ANKRD12: variants seen among roughly 807,000 people sequenced by gnomAD.
The protein encoded by ANKRD12 is ankyrin repeat domain-containing protein 12.
In ANKRD12, 85 loss-of-function variants were observed where a neutral mutation model predicts 183.4. The ratio of observed to expected loss-of-function variants is 0.46; its 90% CI spans 0.39 to 0.56. The LOEUF is 0.56. Ranked by LOEUF, ANKRD12 falls within the 20% of genes least tolerant of loss-of-function variation. The pLI is 0.00. For synonymous variants in ANKRD12, 914 were observed against 800.2 expected (o/e 1.14, Z -2.40); for missense variants, 2,405 against 2,357.1 (o/e 1.02, Z -0.42).
intron 1 of ANKRD12, among the ~76,000 whole-genome samples, chr18:9,141,270 A>AC (rs2078305717): frequency 6.6e-6 from 1 of 152,120 alleles, no homozygotes; most frequent in Non-Finnish European, 1.5e-5. Flanking sequence ...TATTCTTACC[A>AC]GATACAGAAA....
chr18:9,277,374 C>T, intron 11 of ANKRD12, among the ~76,000 whole-genome samples: 1 of 138,470 alleles, frequency 7.2e-6, no homozygotes. Context: ...GTCGCCCAGG[C>T]TGGAGTGCAG....
chr18:9,159,447 T>G (rs906387952), intron 1 of ANKRD12, among the ~76,000 whole-genome samples: 1 of 152,150 alleles, frequency 6.6e-6, no homozygotes, highest in South Asian at 2.1e-4. Context: ...ATTTTCATTT[T>G]TTGAGATGGA....
intron 9 of ANKRD12, among the ~76,000 whole-genome samples, chr18:9,262,647 G>A (rs1210327044): frequency 6.6e-6 from 1 of 151,214 alleles, no homozygotes; most frequent in Non-Finnish European, 1.5e-5. Context: ...TTTTTTTTGA[G>A]ATGGGGGTCT....
chr18:9,231,720 G>C (rs2037060258), intron 8 of ANKRD12, among the ~76,000 whole-genome samples: 1 of 150,996 alleles, frequency 6.6e-6, no homozygotes, highest in South Asian at 2.1e-4. Context: ...AGCTACTCGG[G>C]AGGCTGAGGC....
rs111387417 is a variant in ANKRD12 at position 9,201,897 on chromosome 18, G to A, written c.236-2579G>A. ...GGCTGGAGTGCAGTGGCACAGTCTC[G>A]GCTCACTGCAACCTCTGCCTCCTGG... On this transcript the variant is annotated intron_variant, in intron 3 of 12. Transcript: ENST00000262126. Among the ~76,000 whole-genome samples, 1,249 of 151,032 alleles carry A rather than the reference G, an allele frequency of 8.3e-3. 19 individuals carry two copies. The highest frequency in any genetic ancestry group is 0.029 in the African/African-American group (1,178 of 41,100).
intron 1 of ANKRD12, among the ~76,000 whole-genome samples, chr18:9,177,191 A>G (rs1292557256): frequency 1.3e-5 from 2 of 152,200 alleles, no homozygotes; most frequent in Non-Finnish European, 2.9e-5. Flanking sequence ...AAGTGCAAGC[A>G]GTGTAATAGC....
At chr18:9,193,990 G>A (rs1284189635) in intron 2 of ANKRD12, among the ~76,000 whole-genome samples, 2 of 152,124 alleles carry the variant, frequency 1.3e-5, no homozygotes, top group African/African-American at 2.4e-5. Context: ...TTTTTGTTTG[G>A]TATGTCATTC....
At chr18:9,277,052 G>A (rs1457928411) in intron 11 of ANKRD12, among the ~76,000 whole-genome samples, 3 of 152,080 alleles carry the variant, frequency 2.0e-5, no homozygotes, top group Admixed American at 6.6e-5. Flanking sequence ...GTTTATAATC[G>A]AGCTACAATG....
intron 4 of ANKRD12, among the ~76,000 whole-genome samples, chr18:9,207,011 C>T (rs1281124065): frequency 6.6e-6 from 1 of 151,870 alleles, no homozygotes; most frequent in Non-Finnish European, 1.5e-5. Flanking sequence ...ATAAAATTTT[C>T]ACAATGTTAA....
intron 8 of ANKRD12, among the ~76,000 whole-genome samples, chr18:9,232,395 G>A (rs747645157): frequency 1.3e-5 from 2 of 152,128 alleles, no homozygotes; most frequent in African/African-American, 2.4e-5. Context: ...GTTGGATGTA[G>A]TATCTTTGGG....
intron 2 of ANKRD12, among the ~76,000 whole-genome samples, chr18:9,189,030 A>G (rs983428918): frequency 1.4e-4 from 22 of 152,344 alleles, no homozygotes; most frequent in African/African-American, 5.3e-4. Flanking sequence ...AGGCTGAGAG[A>G]GGTCAAAAGC....
intron 9 of ANKRD12, chr18:9,259,282 T>A (rs1193710541): frequency 6.1e-6 from 1 of 163,518 alleles, no homozygotes; most frequent in Non-Finnish European, 1.3e-5. Context: ...CTGTTGACTT[T>A]ATATATGTAT....
chr18:9,253,032 G>A (rs2038393197), intron 8 of ANKRD12, among the ~76,000 whole-genome samples: 1 of 151,934 alleles, frequency 6.6e-6, no homozygotes, highest in South Asian at 2.1e-4. Flanking sequence ...GTATATAAAT[G>A]TATATATAAA....
chr18:9,226,472 G>T (rs2036719779), intron 8 of ANKRD12, among the ~76,000 whole-genome samples: 1 of 152,028 alleles, frequency 6.6e-6, no homozygotes, highest in Admixed American at 6.6e-5. Flanking sequence ...GTTCCTTGAT[G>T]CCCCTTCCTA....
At chr18:9,165,266 T>A (rs531488580) in intron 1 of ANKRD12, among the ~76,000 whole-genome samples, 10 of 152,210 alleles carry the variant, frequency 6.6e-5, no homozygotes, top group Non-Finnish European at 1.2e-4. Flanking sequence ...CCACCATCCC[T>A]TTATTTTGAG....
chr18:9,241,562 C>T (rs1041746838), intron 8 of ANKRD12, among the ~76,000 whole-genome samples: 2 of 152,126 alleles, frequency 1.3e-5, no homozygotes, highest in South Asian at 2.1e-4. Context: ...ACCTTTGTCA[C>T]ATATCCCTGT....
chr18:9,150,801 C>T (rs576999956), intron 1 of ANKRD12, among the ~76,000 whole-genome samples: 35 of 152,160 alleles, frequency 2.3e-4, no homozygotes, highest in African/African-American at 7.7e-4. Flanking sequence ...CTACAGGCAC[C>T]TGCCACCACA....
At chr18:9,247,641 G>A (rs982696483) in intron 8 of ANKRD12, among the ~76,000 whole-genome samples, 1 of 151,956 alleles carries the variant, frequency 6.6e-6, no homozygotes, top group Non-Finnish European at 1.5e-5. Context: ...ATATATCTTA[G>A]TATCTTTTAA....
chr18:9,143,984 TATACTTACATAG>T (rs2078409156), intron 1 of ANKRD12, among the ~76,000 whole-genome samples: 1 of 152,220 alleles, frequency 6.6e-6, no homozygotes, highest in South Asian at 2.1e-4. Flanking sequence ...AAAATTAATC[TATACTTACATAG>T]ATACTTACAT....
Sources: gnomAD v4.1 joint callset for allele counts (sites outside exome capture counted in the v4.1 genomes callset) on GRCh38, gnomAD v4.1.1 for gene constraint, MANE v1.5 for transcripts, NCBI Gene and HGNC (gene_info 2026-07-23, HGNC 2026-07-21) for gene names.